Variants in PHTF2 observed in about 807,000 individuals in gnomAD.
The protein encoded by PHTF2 is putative homeodomain transcription factor 2.
In PHTF2, 60 loss-of-function variants were observed where a neutral mutation model predicts 101.2. That is an observed-to-expected ratio of 0.59 (90% CI 0.48 to 0.73). The LOEUF is 0.73. Among genes scored for constraint, PHTF2 ranks in the 30% least tolerant of loss-of-function variants. The probability of loss-of-function intolerance (pLI) is 0.00; values close to 1 mark genes in which losing one functional copy is unlikely to be tolerated. For synonymous variants in PHTF2, 311 were observed against 307.3 expected, an observed-to-expected ratio of 1.01 and a Z score of -0.13; for missense variants, 747 against 908.7, an observed-to-expected ratio of 0.82 and a Z score of 2.29.
At chr7:77,909,815 T>G (rs1295884867) in intron 8 of PHTF2, 3 of 154,238 alleles carry the variant, frequency 1.9e-5, no homozygotes, top group Admixed American at 6.4e-5. Flanking sequence ...ATTGTGACAT[T>G]TGTAGTTTTT....
intron 8 of PHTF2, 52 bp from the exon 8 acceptor site, chr7:77,910,193 T>A (rs959650651): frequency 1.3e-6 from 2 of 1,488,572 alleles, no homozygotes; most frequent in African/African-American, 1.4e-5. Context: ...ACTGAGAAAG[T>A]GGTTATTAAA....
chr7:77,884,577 G>A (rs116628089), intron 3 of PHTF2, among the ~76,000 whole-genome samples: 2,771 of 152,198 alleles, frequency 0.018, 77 homozygotes, highest in African/African-American at 0.062. Context: ...ATCTTTGGTT[G>A]TACAGCTATT....
At chr7:77,804,692 A>C (rs1399707963) in intron 1 of PHTF2, among the ~76,000 whole-genome samples, 1 of 152,116 alleles carries the variant, frequency 6.6e-6, no homozygotes, top group Non-Finnish European at 1.5e-5. Context: ...TCCTCTCCAT[A>C]TCTTTAATTG....
chr7:77,798,901 G>T (rs529335094), exon 1 of PHTF2: 1 of 152,620 alleles, frequency 6.6e-6, no homozygotes, highest in African/African-American at 2.4e-5. Context: ...CTCTGTTGGC[G>T]GCGGCGCTAG....
chr7:77,931,759 A>G (rs1182274549), intron 12 of PHTF2, among the ~76,000 whole-genome samples: 1 of 152,236 alleles, frequency 6.6e-6, no homozygotes, highest in Non-Finnish European at 1.5e-5. Flanking sequence ...ATGATAGTGA[A>G]AGTTGAAAAT....
chr7:77,827,404 G>A (rs757494872), intron 1 of PHTF2, among the ~76,000 whole-genome samples: 1 of 152,084 alleles, frequency 6.6e-6, no homozygotes, highest in Non-Finnish European at 1.5e-5. Context: ...ACCCAGGCTA[G>A]AGTGTGGTGG....
intron 16 of PHTF2, among the ~76,000 whole-genome samples, chr7:77,945,994 C>T (rs916319189): frequency 2.0e-5 from 3 of 152,022 alleles, no homozygotes; most frequent in African/African-American, 7.3e-5. Context: ...AACCTTGATG[C>T]CAGTACCATA....
At chr7:77,824,076 CA>C (rs1794516068) in intron 1 of PHTF2, among the ~76,000 whole-genome samples, 1 of 152,028 alleles carries the variant, frequency 6.6e-6, no homozygotes, top group Non-Finnish European at 1.5e-5. Context: ...GGAGGTATGA[CA>C]AATACGTTAT....
At chr7:77,903,368 T>C (rs10227261) in intron 7 of PHTF2, among the ~76,000 whole-genome samples, 3,976 of 152,332 alleles carry the variant, frequency 0.026, 179 homozygotes, top group African/African-American at 0.089. Context: ...ATGAGAAAAC[T>C]TTATTTGAAT....
At chr7:77,944,030 A>C (rs1023255546) in intron 16 of PHTF2, among the ~76,000 whole-genome samples, 2 of 152,130 alleles carry the variant, frequency 1.3e-5, no homozygotes, top group African/African-American at 2.4e-5. Flanking sequence ...AAAAAAAATC[A>C]AACAATGCTC....
At chr7:77,812,801 G>A (rs1487455766) in intron 1 of PHTF2, among the ~76,000 whole-genome samples, 1 of 152,122 alleles carries the variant, frequency 6.6e-6, no homozygotes, top group Non-Finnish European at 1.5e-5. Context: ...GTGTTAGCCA[G>A]GATGGTCTCG....
At chr7:77,806,164 C>CAA (rs149083447) in intron 1 of PHTF2, among the ~76,000 whole-genome samples, 19 of 125,792 alleles carry the variant, frequency 1.5e-4, no homozygotes, top group African/African-American at 2.5e-4. Context: ...GACTCCATCT[C>CAA]AAAAAAAAAA....
chr7:77,865,983 A>T (rs1300983426), intron 3 of PHTF2, among the ~76,000 whole-genome samples: 2 of 152,116 alleles, frequency 1.3e-5, no homozygotes, highest in East Asian at 3.9e-4. Context: ...CAGGAGTTCA[A>T]GACCAGCCTG....
rs150463744 is a variant in PHTF2, at chr7:77,899,839, C to T, written c.217-872C>T. On this transcript the variant is annotated intron_variant, in intron 5 of 19. Coordinates refer to ENST00000416283, the Ensembl canonical transcript of PHTF2. ...TCATCTAAACACTTGTGTCATCTCG[C>T]AGTAATTGGCTCCTGAAGAGTTTAG... Among the ~76,000 whole-genome samples the T allele has an allele frequency of 4.6e-3, 705 of 152,276 alleles. 8 individuals are homozygous for T. The highest frequency in any genetic ancestry group is 0.016 in the African/African-American group (662 of 41,544).
chr7:77,881,388 A>C (rs114590197), intron 3 of PHTF2, among the ~76,000 whole-genome samples: 100 of 152,256 alleles, frequency 6.6e-4, no homozygotes, highest in African/African-American at 2.3e-3. Flanking sequence ...CAATTTCCTT[A>C]GGTGATCAAA....
At position 77,935,214 on chromosome 7, in the gene PHTF2, C is replaced by CTTTT. The variant is rs1158677069; in HGVS notation, c.1339-2473_1339-2470dup. 5.2e-4 allele frequency among the ~76,000 whole-genome samples: 31 copies of CTTTT among 59,278 alleles called. 5 individuals are homozygous for CTTTT. Among genetic ancestry groups the CTTTT allele is most frequent in the African/African-American group, 1.6e-3 (28 of 17,834 alleles). The allele number at this position is 59,278 out of a possible 152,430, so 38.9% of individuals were successfully genotyped here. On this transcript the variant is annotated intron_variant, in intron 12 of 19. Transcript: ENST00000416283. ...CACAACATTGAACATGTAATTTACCCTTTTTTTTTTTTTTTTTTTTTTTTT... is the reference window on the plus strand; with the variant it reads ...CACAACATTGAACATGTAATTTACCCTTTTTTTTTTTTTTTTTTTTTTTTTTTTT...
intron 1 of PHTF2, among the ~76,000 whole-genome samples, chr7:77,817,478 G>C (rs1793938810): frequency 6.6e-6 from 1 of 152,154 alleles, no homozygotes; most frequent in Non-Finnish European, 1.5e-5. Flanking sequence ...TTCTTCACAT[G>C]GCAGCAGGAG....
rs1803909338 is a variant in PHTF2, at chr7:77,925,566, G to C, written c.1119+2788G>C. On this transcript the variant is annotated intron_variant, in intron 11 of 19. Transcript: ENST00000416283. Reference sequence around the variant, plus strand: ...CTCTCCTTGCCCAGGCTGGAGTGCAGTGGCGCCATCTCGGCTCACTGCAAC... The same window carrying C: ...CTCTCCTTGCCCAGGCTGGAGTGCACTGGCGCCATCTCGGCTCACTGCAAC... Among the ~76,000 whole-genome samples, 4 of 133,450 alleles carry C rather than the reference G, an allele frequency of 3.0e-5. No homozygotes were observed. In the South Asian group the frequency reaches 9.8e-4, roughly 33 times the overall value. The allele number at this position is 133,450 out of a possible 152,430, so 87.5% of individuals were successfully genotyped here. A position where few individuals can be genotyped will look rare whatever the true frequency, so the allele number is the denominator to read the frequency against.
intron 3 of PHTF2, among the ~76,000 whole-genome samples, chr7:77,858,616 C>T (rs1187389312): frequency 2.7e-5 from 4 of 148,434 alleles, no homozygotes; most frequent in Non-Finnish European, 5.9e-5. Flanking sequence ...TTTTAGGTGA[C>T]CTCTGATGTC....
Sources: allele counts gnomAD v4.1 joint callset (sites outside exome capture counted in the v4.1 genomes callset), GRCh38; gene constraint gnomAD v4.1.1; transcripts MANE v1.5; gene names NCBI Gene and HGNC (gene_info 2026-07-23, HGNC 2026-07-21).